Variants in ARHGEF6 observed in about 807,000 individuals in gnomAD.
The protein encoded by ARHGEF6 is rho guanine nucleotide exchange factor 6.
A neutral mutation model predicts 70.3 loss-of-function variants in ARHGEF6; 9 were observed. That is an observed-to-expected ratio of 0.13 (90% CI 0.08 to 0.22). ARHGEF6 has a LOEUF of 0.22. Among genes scored for constraint, ARHGEF6 ranks in the 10% least tolerant of loss-of-function variants. The pLI is 1.00. For synonymous variants in ARHGEF6, 201 were observed against 207.8 expected (o/e 0.97, Z 0.28); for missense variants, 470 against 563.0 (o/e 0.83, Z 1.67).
At chrX:136,766,446 A>G in intron 2 of ARHGEF6, among the ~76,000 whole-genome samples, 1 of 111,341 alleles carries the variant, frequency 9.0e-6, no homozygotes, top group South Asian at 3.8e-4. Flanking sequence ...ATTGCAGAGG[A>G]AAATATATTC....
At chrX:136,772,202 A>T (rs1277223806) in intron 2 of ARHGEF6, among the ~76,000 whole-genome samples, 1 of 112,066 alleles carries the variant, frequency 8.9e-6, no homozygotes, top group African/African-American at 3.2e-5. Flanking sequence ...GTGGGATCTA[A>T]AAATAAAAAC....
chrX:136,693,361 G>A (rs1440872546), intron 9 of ARHGEF6, among the ~76,000 whole-genome samples: 1 of 111,958 alleles, frequency 8.9e-6, no homozygotes, highest in Non-Finnish European at 1.9e-5. Context: ...GTCCTAAAAT[G>A]CCTTTTATCT....
At chrX:136,738,453 T>C (rs1440076158) in intron 5 of ARHGEF6, among the ~76,000 whole-genome samples, 1 of 112,353 alleles carries the variant, frequency 8.9e-6, no homozygotes, top group Admixed American at 9.4e-5. Context: ...AGCACCATGT[T>C]AGGCATATGA....
intron 6 of ARHGEF6, among the ~76,000 whole-genome samples, chrX:136,717,395 T>C (rs540294612): frequency 9.0e-6 from 1 of 111,322 alleles, no homozygotes; most frequent in South Asian, 3.7e-4. Context: ...GAAAGACATA[T>C]CAAGACTTTT....
At chrX:136,706,372 T>A (rs2076627040) in intron 9 of ARHGEF6, among the ~76,000 whole-genome samples, 1 of 111,887 alleles carries the variant, frequency 8.9e-6, no homozygotes, top group South Asian at 3.7e-4. Context: ...TGCCTAAAAC[T>A]TTCTCTACGC....
In ARHGEF6 at chrX:136,764,555, T is replaced by C. The variant is rs1008968841; in HGVS notation, c.249+14859A>G. On this transcript the variant is annotated intron_variant, in intron 2 of 21. Transcript: ENST00000250617. ...AGTACATACTGTATGAGTCCGCTCATATAGAGTACCAAAACAGGTGGGAAG... is the reference window on the plus strand; with the variant it reads ...AGTACATACTGTATGAGTCCGCTCACATAGAGTACCAAAACAGGTGGGAAG... Among the ~76,000 whole-genome samples the C allele has an allele frequency of 3.6e-5, 4 of 111,746 alleles. No homozygotes were observed. In the Admixed American group the frequency reaches 3.8e-4, roughly 11 times the overall value.
In ARHGEF6 at chrX:136,685,734, T is replaced by C. The variant is rs1266987493; in HGVS notation, c.1335A>G (p.Lys445=). Residue 445 remains lysine, a synonymous_variant, in exon 12 of 22, where the codon AAA becomes AAG. Transcript: ENST00000250617. Reference sequence around the variant, plus strand: ...ACATAAAAATCACATTTCCCAAGTTTTTAATATCTTCTCCTTCCCATGCCT... The same window carrying C: ...ACATAAAAATCACATTTCCCAAGTTCTTAATATCTTCTCCTTCCCATGCCT... ...PIQAWEGEDI[K]NLGNVIFMSQ... 1.7e-6 allele frequency: 2 copies of C among 1,209,496 alleles called. No homozygotes were observed. Among genetic ancestry groups the C allele is most frequent in the Admixed American group, 2.2e-5 (1 of 45,820 alleles).
intron 2 of ARHGEF6, among the ~76,000 whole-genome samples, chrX:136,771,156 G>A (rs187575375): frequency 1.2e-3 from 134 of 112,262 alleles, no homozygotes; most frequent in Non-Finnish European, 2.0e-3. Flanking sequence ...ACATAATATT[G>A]CTGAATGAAA....
chrX:136,692,370 G>A (rs779122227), intron 9 of ARHGEF6, among the ~76,000 whole-genome samples: 1 of 111,542 alleles, frequency 9.0e-6, no homozygotes, highest in South Asian at 3.8e-4. Context: ...GGGACTACAG[G>A]CATGAACCAC....
chrX:136,687,553 C>T (rs968942533), intron 11 of ARHGEF6, among the ~76,000 whole-genome samples: 4 of 112,132 alleles, frequency 3.6e-5, no homozygotes, highest in African/African-American at 1.3e-4. Context: ...AACTCATACC[C>T]TTTGGCATAA....
chrX:136,670,579 CCT>C (rs1349422273), intron 20 of ARHGEF6, among the ~76,000 whole-genome samples: 1 of 111,363 alleles, frequency 9.0e-6, no homozygotes, highest in Non-Finnish European at 1.9e-5. Context: ...TCCCCTTTCC[CCT>C]CAGTCCCTAG....
At chrX:136,728,266 T>A (rs2076891296) in intron 6 of ARHGEF6, among the ~76,000 whole-genome samples, 1 of 111,438 alleles carries the variant, frequency 9.0e-6, no homozygotes, top group African/African-American at 3.3e-5. Flanking sequence ...GCTAAGTTCC[T>A]ATTCAAAACA....
chrX:136,766,533 C>T (rs1480480936), intron 2 of ARHGEF6, among the ~76,000 whole-genome samples: 1 of 111,765 alleles, frequency 8.9e-6, no homozygotes, highest in Non-Finnish European at 1.9e-5. Flanking sequence ...TATCCAAAAA[C>T]AATAACAAAT....
intron 6 of ARHGEF6, among the ~76,000 whole-genome samples, chrX:136,723,231 C>T (rs1603344703): frequency 8.9e-6 from 1 of 111,979 alleles, no homozygotes; most frequent in East Asian, 2.8e-4. Flanking sequence ...GAGATAGTGG[C>T]GATCATTGTG....
chrX:136,742,731 G>A (rs187127104), intron 5 of ARHGEF6, among the ~76,000 whole-genome samples: 6 of 111,680 alleles, frequency 5.4e-5, no homozygotes, highest in African/African-American at 9.8e-5. Context: ...TCCCAGCACC[G>A]TGGGAGGCCG....
intron 2 of ARHGEF6, among the ~76,000 whole-genome samples, chrX:136,762,461 CT>C (rs1300884334): frequency 9.0e-6 from 1 of 111,602 alleles, no homozygotes; most frequent in African/African-American, 3.3e-5. Flanking sequence ...GCTTTACTTG[CT>C]TTCTTTCATT....
chrX:136,780,848 A>T lies in ARHGEF6; in HGVS notation c.35T>A (p.Ile12Lys). 1 of 1,211,737 alleles carries T rather than the reference A, an allele frequency of 8.3e-7. No homozygotes were observed. ...AGGGGACTCTAAAACTCCCAAAGATATAAGCCATGTCACGATTTGTTCTTC... is the reference window on the plus strand; with the variant it reads ...AGGGGACTCTAAAACTCCCAAAGATTTAAGCCATGTCACGATTTGTTCTTC... ...NPEEQIVTWL[I>K]SLGVLESPKK... Residue 12 changes from isoleucine (I) to lysine (K), a missense_variant, in exon 1 of 22, where the codon ATA becomes AAA. Physicochemically the swap from Ile to Lys is moderately radical, Grantham distance 102. This residue lies in a region of ARHGEF6 where 379 missense variants were observed against 449.3 expected (regional missense o/e 0.84). Coordinates refer to ENST00000250617, the MANE Select transcript of ARHGEF6 (RefSeq NM_004840.3).
intron 5 of ARHGEF6, among the ~76,000 whole-genome samples, chrX:136,742,900 G>C (rs374902899): frequency 2.5e-4 from 28 of 111,451 alleles, no homozygotes; most frequent in African/African-American, 8.5e-4. Flanking sequence ...ACTTGAGCCC[G>C]GGAGGTCCAG....
chrX:136,779,400 C>T lies in ARHGEF6; in HGVS notation c.249+14G>A. The stretch of plus-strand genomic sequence containing the variant: ...AAACGATGACAACAGGGAAGGCACC[C>T]GGGGTAGGCTTACTTCCACTTGGAG... On this transcript the variant is annotated intron_variant, in intron 2 of 21. Coordinates refer to ENST00000250617, the MANE Select transcript of ARHGEF6 (RefSeq NM_004840.3). The T allele has an allele frequency of 4.2e-6, 5 of 1,202,057 alleles. No homozygotes were observed. Among genetic ancestry groups the T allele is most frequent in the African/African-American group, 1.7e-5 (1 of 57,504 alleles).
Sources: gnomAD v4.1 joint callset for allele counts (sites outside exome capture counted in the v4.1 genomes callset) on GRCh38, gnomAD v4.1.1 for gene constraint, gnomAD v4.1.1 regional missense constraint, MANE v1.5 for transcripts, NCBI Gene and HGNC (gene_info 2026-07-23, HGNC 2026-07-21) for gene names.